DPH6: variants seen among roughly 807,000 people sequenced by gnomAD.
DPH6 encodes diphthamine biosynthesis 6.
A neutral mutation model predicts 38.2 loss-of-function variants in DPH6; 33 were observed. The ratio of observed to expected loss-of-function variants is 0.86; its 90% CI spans 0.65 to 1.15. DPH6 has a LOEUF of 1.15. DPH6 is among the 50% of genes most tolerant of loss of function. The probability of loss-of-function intolerance (pLI) is 0.00; values close to 1 mark genes in which losing one functional copy is unlikely to be tolerated. For synonymous variants in DPH6, 108 were observed against 103.0 expected (o/e 1.05, Z -0.30); for missense variants, 325 against 320.0 (o/e 1.02, Z -0.12).
At chr15:35,362,256 A>G (rs2052620437) in intron 3 of DPH6, among the ~76,000 whole-genome samples, 1 of 152,112 alleles carries the variant, frequency 6.6e-6, no homozygotes, top group African/African-American at 2.4e-5. Context: ...CTGCAGTGCT[A>G]CAGGTTCTCT....
At chr15:35,323,411 CT>C (rs1343475640) in intron 3 of DPH6, among the ~76,000 whole-genome samples, 9 of 150,914 alleles carry the variant, frequency 6.0e-5, no homozygotes, top group Non-Finnish European at 1.3e-4. Context: ...ATTTTGTTTC[CT>C]TTTTTTTTCT....
chr15:35,408,213 C>T (rs1221350213), intron 6 of DPH6, among the ~76,000 whole-genome samples: 3 of 151,700 alleles, frequency 2.0e-5, no homozygotes, highest in African/African-American at 7.3e-5. Context: ...GGATTTTTGC[C>T]TGTAGGCAAT....
chr15:35,524,115 A>C (rs2054964125), intron 3 of DPH6, among the ~76,000 whole-genome samples: 1 of 151,600 alleles, frequency 6.6e-6, no homozygotes, highest in South Asian at 2.1e-4. Flanking sequence ...TCAAAGATAG[A>C]AACTTGTAAA....
In DPH6 at chr15:35,240,286, C is replaced by T. The variant is rs1261171240; in HGVS notation, n.201-19704G>A. Among the ~76,000 whole-genome samples, 30 of 143,360 alleles carry T rather than the reference C, an allele frequency of 2.1e-4. 3 individuals carry two copies. Among genetic ancestry groups the T allele is most frequent in the Non-Finnish European group, 3.7e-4 (24 of 65,298 alleles). The allele number at this position is 143,360 out of a possible 152,430, so 94.0% of individuals were successfully genotyped here. A position where few individuals can be genotyped will look rare whatever the true frequency, so the allele number is the denominator to read the frequency against. On this transcript the variant is annotated intron_variant and non_coding_transcript_variant, in intron 3 of 3. Transcript: ENST00000560386. ...TGGGCAAATGGTCTGAGGTGCCTGACGTCCAGGCATTCTTTTACACATCAG... is the reference window on the plus strand; with the variant it reads ...TGGGCAAATGGTCTGAGGTGCCTGATGTCCAGGCATTCTTTTACACATCAG...
At chr15:35,390,581 TTTCA>T (rs1225502676) in intron 6 of DPH6, among the ~76,000 whole-genome samples, 1 of 152,212 alleles carries the variant, frequency 6.6e-6, no homozygotes, top group African/African-American at 2.4e-5. Context: ...TCTCACTTCA[TTTCA>T]TTCATTTTGT....
At chr15:35,372,745 C>T (rs1047762576) in intron 8 of DPH6, among the ~76,000 whole-genome samples, 5 of 151,820 alleles carry the variant, frequency 3.3e-5, no homozygotes, top group Non-Finnish European at 5.9e-5. Flanking sequence ...CTACTTTTGC[C>T]GAATTCTTGT....
At chr15:35,391,695 G>A (rs1168017555) in intron 6 of DPH6, among the ~76,000 whole-genome samples, 11 of 152,158 alleles carry the variant, frequency 7.2e-5, no homozygotes, top group Admixed American at 2.6e-4. Context: ...TTGGAAAAGC[G>A]CAGTATTAGG....
chr15:35,304,275 G>A (rs1235167638), intron 3 of DPH6, among the ~76,000 whole-genome samples: 2 of 152,032 alleles, frequency 1.3e-5, no homozygotes, highest in African/African-American at 4.8e-5. Flanking sequence ...ACTCACTACT[G>A]CTGATTGTAA....
At chr15:35,410,604 CTAAT>C in intron 6 of DPH6, among the ~76,000 whole-genome samples, 1 of 151,778 alleles carries the variant, frequency 6.6e-6, no homozygotes, top group African/African-American at 2.4e-5. Context: ...TTCTGACAGA[CTAAT>C]TTCTTCTTAG....
chr15:35,327,031 C>T (rs1350815433), downstream of DPH6, among the ~76,000 whole-genome samples: 2 of 152,024 alleles, frequency 1.3e-5, no homozygotes, highest in African/African-American at 2.4e-5. Context: ...GAGAAGGTGA[C>T]ATGTAAGAGG....
intron 3 of DPH6, among the ~76,000 whole-genome samples, chr15:35,496,608 T>A (rs2054562850): frequency 1.1e-5 from 1 of 88,042 alleles, no homozygotes; most frequent in Non-Finnish European, 2.5e-5. Flanking sequence ...CCAATGAATA[T>A]GAGAGAGATA....
intron 3 of DPH6, among the ~76,000 whole-genome samples, chr15:35,517,844 T>C (rs1411601419): frequency 1.3e-5 from 2 of 151,992 alleles, no homozygotes; most frequent in African/African-American, 4.8e-5. Context: ...AAACCAATCA[T>C]TGTGGTATAT....
At chr15:35,402,464 A>G (rs1406613656) in intron 6 of DPH6, among the ~76,000 whole-genome samples, 2 of 152,200 alleles carry the variant, frequency 1.3e-5, no homozygotes, top group Non-Finnish European at 2.9e-5. Context: ...TAATCAATAA[A>G]CTAATTCTCT....
At chr15:35,192,494 A>G in the DPH6 span, among the ~76,000 whole-genome samples, 11 of 152,236 alleles carry the variant, frequency 7.2e-5, no homozygotes, top group South Asian at 2.3e-3. Flanking sequence ...ATTAATGTTT[A>G]CTCATCATTT....
chr15:35,151,701 C>T, the DPH6 span, among the ~76,000 whole-genome samples: 1 of 152,178 alleles, frequency 6.6e-6, no homozygotes, highest in African/African-American at 2.4e-5. Context: ...GTGCCCTGAG[C>T]TACTGGGTTG....
intron 3 of DPH6, among the ~76,000 whole-genome samples, chr15:35,477,355 T>C (rs113044520): frequency 6.6e-6 from 1 of 151,814 alleles, no homozygotes; most frequent in African/African-American, 2.4e-5. Context: ...TTGCACTTTG[T>C]TATACAACAC....
intron 3 of DPH6, among the ~76,000 whole-genome samples, chr15:35,527,758 G>A (rs186664497): frequency 3.9e-4 from 59 of 152,236 alleles, no homozygotes; most frequent in Non-Finnish European, 5.9e-4. Context: ...TAGATGGCAC[G>A]TAGCTTACAT....
intron 3 of DPH6, among the ~76,000 whole-genome samples, chr15:35,482,311 T>C (rs528671554): frequency 6.6e-6 from 1 of 152,274 alleles, no homozygotes; most frequent in East Asian, 1.9e-4. Flanking sequence ...ATAAAATAAG[T>C]TGATAACCAC....
chr15:35,149,510 TACAGGCGTGAGCC>T, the DPH6 span, among the ~76,000 whole-genome samples: 10 of 152,302 alleles, frequency 6.6e-5, no homozygotes, highest in Admixed American at 6.5e-4. Flanking sequence ...GTGCTGGGAT[TACAGGCGTGAGCC>T]ACTGTGCCTG....
Sources: gnomAD v4.1 joint callset for allele counts (sites outside exome capture counted in the v4.1 genomes callset) on GRCh38, gnomAD v4.1.1 for gene constraint, MANE v1.5 for transcripts, NCBI Gene and HGNC (gene_info 2026-07-23, HGNC 2026-07-21) for gene names.